Variants in MYO1D observed in about 807,000 individuals in gnomAD.
MYO1D encodes unconventional myosin-Id.
Under a neutral mutation model 122.0 loss-of-function variants are expected in MYO1D, and 83 were observed. The ratio of observed to expected loss-of-function variants is 0.68; its 90% confidence interval spans 0.57 to 0.82. The LOEUF is 0.82. Among genes scored for constraint, MYO1D ranks in the 40% least tolerant of loss-of-function variants. The probability of loss-of-function intolerance (pLI) is 0.00; values close to 1 mark genes in which losing one functional copy is unlikely to be tolerated. For synonymous variants in MYO1D, 464 were observed against 446.9 expected, an observed-to-expected ratio of 1.04 and a Z score of -0.48; for missense variants, 1,157 against 1,269.5, an observed-to-expected ratio of 0.91 and a Z score of 1.35.
intron 21 of MYO1D, among the ~76,000 whole-genome samples, chr17:32,523,679 T>C (rs887389245): frequency 1.3e-5 from 2 of 150,972 alleles, no homozygotes; most frequent in African/African-American, 2.4e-5. Context: ...TGTGCACTTA[T>C]AGTCCCAGCT....
At chr17:32,747,287 G>T (rs2089847905) in intron 12 of MYO1D, among the ~76,000 whole-genome samples, 1 of 152,098 alleles carries the variant, frequency 6.6e-6, no homozygotes, top group Non-Finnish European at 1.5e-5. Context: ...TACATGTAAA[G>T]AATTCCTAAT....
At chr17:32,683,037 G>GC (rs1221015342) in intron 16 of MYO1D, among the ~76,000 whole-genome samples, 1 of 117,064 alleles carries the variant, frequency 8.5e-6, no homozygotes, top group African/African-American at 3.5e-5. Context: ...CCAGTTGATC[G>GC]CATCGGCTCC....
At position 32,876,629 on chromosome 17, in the gene MYO1D, T is replaced by C. The variant is rs377523583; in HGVS notation, c.95+149A>G. 4.4e-5 allele frequency: 25 copies of C among 568,094 alleles called. No individual in the cohort carries two copies. The African/African-American group carries it at 4.6e-4, about 11-fold the overall frequency. 35.2% of individuals were successfully genotyped at this position (568,094 alleles called of 1,614,324 possible). ...TCTCGGGAAAGCGCAGCCGCGGAGC[T>C]TGGCAGACCCCCGGACACCGCAGCC... On this transcript the variant is annotated intron_variant, in intron 1 of 21. Coordinates refer to ENST00000318217, the MANE Select transcript of MYO1D (RefSeq NM_015194.3).
chr17:32,860,756 T>C (rs1021080572), intron 1 of MYO1D, among the ~76,000 whole-genome samples: 3 of 152,180 alleles, frequency 2.0e-5, no homozygotes, highest in African/African-American at 7.2e-5. Flanking sequence ...GCCACTAGAC[T>C]AGTAAAAAGT....
At chr17:32,797,834 C>G (rs1226499212) in intron 1 of MYO1D, among the ~76,000 whole-genome samples, 4 of 152,202 alleles carry the variant, frequency 2.6e-5, no homozygotes, top group Non-Finnish European at 5.9e-5. Context: ...ATTCAATAAA[C>G]AGATTCACTC....
At chr17:32,738,165 T>G in intron 14 of MYO1D, 88 bp downstream of exon 14, 2 of 1,209,712 alleles carry the variant, frequency 1.7e-6, no homozygotes, top group Admixed American at 2.7e-5. Flanking sequence ...CATGATTACC[T>G]AAAAAGCAAA....
At chr17:32,629,204 C>T (rs1347645338) in intron 20 of MYO1D, among the ~76,000 whole-genome samples, 17 of 152,092 alleles carry the variant, frequency 1.1e-4, no homozygotes, top group Non-Finnish European at 1.5e-5. Context: ...GATAGTGGTT[C>T]CCGTAGGTTC....
At chr17:32,705,188 A>G (rs1427847477) in intron 16 of MYO1D, among the ~76,000 whole-genome samples, 1 of 152,158 alleles carries the variant, frequency 6.6e-6, no homozygotes, top group African/African-American at 2.4e-5. Context: ...CAATATTCAC[A>G]GGATGTGAAA....
At position 32,674,127 on chromosome 17, in the gene MYO1D, G is replaced by A. The variant is rs1033815039; in HGVS notation, c.2122-14789C>T. Among the ~76,000 whole-genome samples the A allele has an allele frequency of 1.8e-4, 28 of 152,184 alleles. 1 individual carries two copies. Among genetic ancestry groups the A allele is most frequent in the Non-Finnish European group, 8.8e-5 (6 of 68,034 alleles). On this transcript the variant is annotated intron_variant, in intron 16 of 21. Transcript: ENST00000318217. ...AACTCCAAAGTGAGGCTGTTTCAAC[G>A]TTCTGACGAACAGCTCCTTGACTGG...
At chr17:32,706,827 G>A (rs890623249) in intron 16 of MYO1D, among the ~76,000 whole-genome samples, 4 of 152,096 alleles carry the variant, frequency 2.6e-5, no homozygotes, top group African/African-American at 9.7e-5. Flanking sequence ...CTCCTGAGTA[G>A]CTGGGACTAT....
chr17:32,818,920 T>C (rs2090636988), intron 1 of MYO1D, among the ~76,000 whole-genome samples: 1 of 152,148 alleles, frequency 6.6e-6, no homozygotes, highest in Non-Finnish European at 1.5e-5. Context: ...TTTAAAAAAT[T>C]AATAGAAATA....
At chr17:32,864,547 T>TAAA (rs2091107464) in intron 1 of MYO1D, among the ~76,000 whole-genome samples, 1 of 16,386 alleles carries the variant, frequency 6.1e-5, no homozygotes, top group African/African-American at 3.9e-4. Flanking sequence ...GTTCTACGAA[T>TAAA]GAAAAAAAAA....
intron 1 of MYO1D, among the ~76,000 whole-genome samples, chr17:32,834,968 C>T (rs767932369): frequency 3.9e-5 from 6 of 152,276 alleles, no homozygotes; most frequent in African/African-American, 9.6e-5. Flanking sequence ...GCCCAGATCG[C>T]GCCACTGCAT....
intron 21 of MYO1D, among the ~76,000 whole-genome samples, chr17:32,548,467 G>A (rs2086983643): frequency 6.6e-6 from 1 of 151,792 alleles, no homozygotes; most frequent in Admixed American, 6.6e-5. Flanking sequence ...GATTATCTAG[G>A]TATAGAAGGC....
At chr17:32,551,591 C>G (rs888627303) in intron 21 of MYO1D, among the ~76,000 whole-genome samples, 34 of 151,752 alleles carry the variant, frequency 2.2e-4, no homozygotes, top group African/African-American at 8.2e-4. Flanking sequence ...CACACGCATC[C>G]AGGTGGCTTT....
chr17:32,573,589 C>T (rs571893377), intron 21 of MYO1D, among the ~76,000 whole-genome samples: 24 of 151,918 alleles, frequency 1.6e-4, no homozygotes, highest in Admixed American at 3.9e-4. Flanking sequence ...GTGTGATCAC[C>T]GCACACTGCA....
chr17:32,603,636 C>G (rs2087589603), intron 21 of MYO1D, among the ~76,000 whole-genome samples: 1 of 150,906 alleles, frequency 6.6e-6, no homozygotes, highest in African/African-American at 2.4e-5. Context: ...CGCCATTCTC[C>G]TGCCTCAGCC....
intron 21 of MYO1D, among the ~76,000 whole-genome samples, chr17:32,545,535 TCA>T (rs1233273725): frequency 6.6e-6 from 1 of 152,156 alleles, no homozygotes; most frequent in Non-Finnish European, 1.5e-5. Context: ...AGGAAGACAC[TCA>T]CAGAGAATCA....
intron 16 of MYO1D, among the ~76,000 whole-genome samples, chr17:32,679,532 CTTGT>C (rs753442665): frequency 1.3e-5 from 2 of 151,942 alleles, no homozygotes; most frequent in African/African-American, 4.8e-5. Flanking sequence ...TTCCCCATTG[CTTGT>C]TTTTCTCAGG....
Sources: gnomAD v4.1 joint callset for allele counts (sites outside exome capture counted in the v4.1 genomes callset) on GRCh38, gnomAD v4.1.1 for gene constraint, MANE v1.5 for transcripts, NCBI Gene and HGNC (gene_info 2026-07-23, HGNC 2026-07-21) for gene names.